The following ZNF609 variants were observed in gnomAD, a reference collection of about 807,000 sequenced individuals.
ZNF609 encodes zinc finger protein 609.
In ZNF609, 11 loss-of-function variants were observed where a neutral mutation model predicts 109.5. The observed-to-expected ratio is 0.10, with a 90% CI of 0.06 to 0.17. The LOEUF is 0.17. ZNF609 is among the 10% of genes least tolerant of loss of function. The pLI is 1.00. For synonymous variants in ZNF609, 646 were observed against 662.0 expected (o/e 0.98, Z 0.37); for missense variants, 1,559 against 1,772.4 (o/e 0.88, Z 2.16).
chr15:64,680,879 T>G lies in ZNF609; in HGVS notation c.4162+17T>G. 6.2e-7 allele frequency: 1 copy of G among 1,604,954 alleles called. No individual in the cohort carries two copies. The highest frequency in any genetic ancestry group is 8.5e-7 in the Non-Finnish European group (1 of 1,179,614). On this transcript the variant is annotated intron_variant, in intron 8 of 9. Transcript: ENST00000326648. The stretch of plus-strand genomic sequence containing the variant: ...ATGCAGCAGGTAAGCCTGTTTTCCC[T>G]ACCACCTGTTGTTTTGTCTTGTTTT...
intron 2 of ZNF609, among the ~76,000 whole-genome samples, chr15:64,576,389 T>C (rs1894953027): frequency 6.6e-6 from 1 of 152,074 alleles, no homozygotes; most frequent in Non-Finnish European, 1.5e-5. Context: ...CAGATTTCTC[T>C]AGTCATGTGC....
At chr15:64,643,723 C>CA (rs1333146366) in intron 3 of ZNF609, 2 of 152,106 alleles carry the variant, frequency 1.3e-5, no homozygotes, top group Admixed American at 1.3e-4. Context: ...GTTAACTATT[C>CA]ATACTAGCAC....
intron 1 of ZNF609, among the ~76,000 whole-genome samples, chr15:64,483,213 A>G (rs1315327449): frequency 6.6e-6 from 1 of 151,796 alleles, no homozygotes; most frequent in Admixed American, 6.6e-5. Context: ...CTTCTGCCTC[A>G]GCCTCCTGAG....
At chr15:64,603,870 G>T (rs995178810) in intron 2 of ZNF609, among the ~76,000 whole-genome samples, 1 of 151,660 alleles carries the variant, frequency 6.6e-6, no homozygotes, top group Non-Finnish European at 1.5e-5. Flanking sequence ...ATGCTGGCGG[G>T]CACCTGTAAT....
chr15:64,511,589 C>T (rs1390895189), intron 2 of ZNF609, among the ~76,000 whole-genome samples: 1 of 151,692 alleles, frequency 6.6e-6, no homozygotes, highest in Admixed American at 6.6e-5. Context: ...AATTAACATT[C>T]AGGTTGCAGA....
intron 2 of ZNF609, among the ~76,000 whole-genome samples, chr15:64,585,833 C>T (rs1483897862): frequency 6.6e-6 from 1 of 152,074 alleles, no homozygotes; most frequent in Non-Finnish European, 1.5e-5. Flanking sequence ...ATATTTTTTA[C>T]TTTTTGTTTT....
At chr15:64,681,040 C>A (rs2141020584) in intron 8 of ZNF609, among the ~76,000 whole-genome samples, 178 bp downstream of exon 8, 1 of 152,102 alleles carries the variant, frequency 6.6e-6, no homozygotes. Context: ...GTCATTAAAG[C>A]ATATGATATT....
intron 1 of ZNF609, among the ~76,000 whole-genome samples, chr15:64,496,394 G>A (rs908889751): frequency 2.0e-4 from 31 of 152,184 alleles, no homozygotes; most frequent in African/African-American, 7.0e-4. Context: ...ACATACTGAG[G>A]ATAGTGAGTA....
intron 2 of ZNF609, among the ~76,000 whole-genome samples, chr15:64,530,812 A>G (rs1295446228): frequency 6.6e-6 from 1 of 152,230 alleles, no homozygotes; most frequent in Non-Finnish European, 1.5e-5. Flanking sequence ...CTATTAAAGT[A>G]TACATACCCC....
rs1376635976 is a variant in ZNF609 at position 64,533,074 on chromosome 15, C to G, written c.747+32908C>G. Among the ~76,000 whole-genome samples the G allele has an allele frequency of 2.0e-5, 3 of 150,546 alleles. No individual in the cohort carries two copies. In the East Asian group the frequency reaches 5.8e-4, roughly 29 times the overall value. On this transcript the variant is annotated intron_variant, in intron 2 of 9. Transcript: ENST00000326648. ...AATTGCTGCTTTTTTTTTTTTGAGA[C>G]AGAGTCTGCTCTGTCACCAAGGCTG...
intron 3 of ZNF609, among the ~76,000 whole-genome samples, chr15:64,650,569 G>T (rs1896402169): frequency 6.6e-6 from 1 of 152,144 alleles, no homozygotes; most frequent in Non-Finnish European, 1.5e-5. Context: ...TTAGAAGAAG[G>T]TATGGAAAAT....
chr15:64,570,461 A>G (rs1894843381), intron 2 of ZNF609, among the ~76,000 whole-genome samples: 2 of 152,208 alleles, frequency 1.3e-5, no homozygotes, highest in Admixed American at 6.5e-5. Flanking sequence ...CTAATCAATC[A>G]AGATTCTTAA....
chr15:64,627,093 G>T (rs1184917502), intron 3 of ZNF609, among the ~76,000 whole-genome samples: 1 of 152,076 alleles, frequency 6.6e-6, no homozygotes, highest in Non-Finnish European at 1.5e-5. Context: ...GGGAGGCTGA[G>T]GCAGGGGAAT....
chr15:64,512,597 G>C (rs1034124812), intron 2 of ZNF609, among the ~76,000 whole-genome samples: 1 of 152,088 alleles, frequency 6.6e-6, no homozygotes, highest in Admixed American at 6.6e-5. Flanking sequence ...TTTAGGAAGA[G>C]GAAATATCGC....
At position 64,675,002 on chromosome 15, in the gene ZNF609, A is replaced by G. The variant is rs1896788007; in HGVS notation, c.2148A>G (p.Thr716=). 2 of 1,613,982 alleles carry G rather than the reference A, an allele frequency of 1.2e-6. No homozygotes were observed. Among genetic ancestry groups the G allele is most frequent in the African/African-American group, 2.7e-5 (2 of 74,924 alleles). ...CCACTGTTATGGGAGAACCTTTCAC[A>G]GTCAACCCTGCCTTGACTCCAGCCA... ...PKPTVMGEPF[T]VNPALTPAKD... Residue 716 remains threonine, a synonymous_variant, in exon 5 of 10, where the codon ACA becomes ACG. Transcript: ENST00000326648.
intron 2 of ZNF609, among the ~76,000 whole-genome samples, chr15:64,536,886 G>A (rs140381771): frequency 0.051 from 7,284 of 143,512 alleles, 259 homozygotes; most frequent in African/African-American, 0.097. Flanking sequence ...CTCCAGCCTG[G>A]GCGACAGAGA....
At chr15:64,651,526 T>C (rs1293172138) in intron 3 of ZNF609, among the ~76,000 whole-genome samples, 1 of 152,148 alleles carries the variant, frequency 6.6e-6, no homozygotes, top group African/African-American at 2.4e-5. Context: ...TTGTTCAGTT[T>C]GATTATTTTA....
intron 2 of ZNF609, among the ~76,000 whole-genome samples, chr15:64,609,413 C>T (rs1895678767): frequency 1.3e-5 from 2 of 151,674 alleles, no homozygotes; most frequent in South Asian, 4.2e-4. Context: ...GATCTCCTGA[C>T]CTCATGATCC....
At position 64,499,445 on chromosome 15, in the gene ZNF609, G is replaced by A. The variant is rs780914263; in HGVS notation, c.26G>A (p.Gly9Glu). 1 of 1,614,046 alleles carries A rather than the reference G, an allele frequency of 6.2e-7. No homozygotes were observed. The highest frequency in any genetic ancestry group is 1.7e-5 in the Admixed American group (1 of 60,020). The change falls in exon 2 of 10, where the codon GGA becomes GAA. Residue 9 changes from glycine to glutamate, a missense_variant. Transcript: ENST00000326648. MSLSSGAS[G>E]GKGVDANPVE... is the part of the protein sequence containing the mutation. The stretch of plus-strand genomic sequence containing the variant: ...ATGTCCTTGAGCAGTGGAGCCTCCG[G>A]AGGGAAAGGAGTGGATGCAAACCCG...
Sources: gnomAD v4.1 joint callset for allele counts (sites outside exome capture counted in the v4.1 genomes callset) on GRCh38, gnomAD v4.1.1 for gene constraint, MANE v1.5 for transcripts, NCBI Gene and HGNC (gene_info 2026-07-23, HGNC 2026-07-21) for gene names.